The following SYT12 variants were observed in gnomAD, a reference collection of about 807,000 sequenced individuals.
SYT12 encodes the protein synaptotagmin 12.
A neutral mutation model predicts 39.5 loss-of-function variants in SYT12; 27 were observed. The observed-to-expected ratio is 0.68, with a 90% CI of 0.50 to 0.94. The LOEUF is 0.94. Among genes scored for constraint, SYT12 ranks in the 40% least tolerant of loss-of-function variants. The pLI, the probability that SYT12 is intolerant of heterozygous loss-of-function variation, is 0.00. For synonymous variants in SYT12, 233 were observed against 239.7 expected (o/e 0.97, Z 0.26); for missense variants, 536 against 572.6 (o/e 0.94, Z 0.65).
intron 6 of SYT12, among the ~76,000 whole-genome samples, chr11:67,045,446 A>G (rs1415951783): frequency 6.6e-6 from 1 of 152,136 alleles, no homozygotes; most frequent in Non-Finnish European, 1.5e-5. Context: ...CACTCGGGCC[A>G]TTTATAGAAG....
intron 2 of SYT12, chr11:67,031,850 G>A (rs1950272942): frequency 6.6e-6 from 1 of 152,160 alleles, no homozygotes; most frequent in African/African-American, 2.4e-5. Context: ...AGAGACCTTG[G>A]GCCTCTGGTC....
intron 7 of SYT12, among the ~76,000 whole-genome samples, chr11:67,046,625 G>A (rs1342860777): frequency 6.6e-6 from 1 of 152,202 alleles, no homozygotes; most frequent in Non-Finnish European, 1.5e-5. Flanking sequence ...AGCATCTCTG[G>A]CCCATCCTGG....
rs192461539 is a variant in SYT12, at chr11:67,036,700, C to T, written c.228+1862C>T. On this transcript the variant is annotated intron_variant, in intron 3 of 7. Transcript: ENST00000527043. ...CCCGTAATCCCAGCACTTTGGGAGG[C>T]CGAGGCGGGCAGATCTCTTGAGGTC... is the stretch of plus-strand genomic sequence containing the variant. Among the ~76,000 whole-genome samples, 22 of 152,280 alleles carry T rather than the reference C, an allele frequency of 1.4e-4. No homozygotes were observed. The East Asian group carries it at 2.7e-3, about 19-fold the overall frequency.
Position 67,039,980 on chromosome 11 carries a change from C to T in SYT12, c.398C>T (p.Ser133Leu), listed in dbSNP as rs751613037. Reference protein sequence around the residue: ...APYGTLRKSQSADSLNSISSV... With the variant: ...APYGTLRKSQLADSLNSISSV... ...TATGGGACCCTCCGGAAGTCCCAGT[C>T]GGCCGACTCCCTGAACTCCATCTCC... is the stretch of plus-strand genomic sequence containing the variant. Residue 133 changes from serine to leucine, a missense_variant, in exon 4 of 8, where the codon TCG (serine) becomes TTG (leucine). Transcript: ENST00000527043. 16 of 1,613,782 alleles carry T rather than the reference C, an allele frequency of 9.9e-6. 1 individual carries two copies. The Middle Eastern group carries it at 4.9e-4, about 50-fold the overall frequency.
At chr11:67,045,573 G>T in intron 6 of SYT12, 171 bp from the exon 7 acceptor site, 1 of 985,010 alleles carries the variant, frequency 1.0e-6, no homozygotes. Context: ...GTGAGCCTCA[G>T]TTTTCTCATC....
chr11:67,022,483 G>C (rs925435472), upstream of SYT12, among the ~76,000 whole-genome samples: 1 of 152,222 alleles, frequency 6.6e-6, no homozygotes, highest in Admixed American at 6.5e-5. Flanking sequence ...CGCGGGCAGG[G>C]AGGGACCTGT....
rs139491739 is a variant in SYT12 at position 67,032,100 on chromosome 11, C to T, written c.34+1922C>T. The T allele has an allele frequency of 8.0e-4, 122 of 152,404 alleles. 1 individual carries two copies. Among genetic ancestry groups the T allele is most frequent in the African/African-American group, 2.8e-3 (118 of 41,590 alleles). 9.4% of individuals were successfully genotyped at this position (152,404 alleles called of 1,614,324 possible). A position where few individuals can be genotyped will look rare whatever the true frequency, so the allele number is the denominator to read the frequency against. ...TCTGTTTTTCCCTGGTCTGCCCAGC[C>T]CGTGACTATGTGCTGCGTGACTTTT... On this transcript the variant is annotated intron_variant, in intron 2 of 7. Transcript: ENST00000527043.
Position 67,045,771 on chromosome 11 carries a change from A to G in SYT12, c.986A>G (p.Gln329Arg). Reference protein sequence around the residue: ...ADPFVKVYLLQDGRKMSKKKT... With the variant: ...ADPFVKVYLLRDGRKMSKKKT... ...CCCTTCGTCAAGGTGTACCTGCTGC[A>G]GGATGGGAGGAAGATGAGCAAAAAG... Residue 329 changes from glutamine (Q) to arginine (R), a missense_variant, in exon 7 of 8, where the codon CAG becomes CGG. By Grantham distance (43) the Gln-to-Arg change is conservative. Coordinates refer to ENST00000527043, the MANE Select transcript of SYT12 (RefSeq NM_177963.4). 6.2e-7 allele frequency: 1 copy of G among 1,613,966 alleles called. No homozygotes were observed. Among genetic ancestry groups the G allele is most frequent in the Non-Finnish European group, 8.5e-7 (1 of 1,179,966 alleles).
chr11:67,035,790 T>TTCCTTCCTTCCTTCC (rs1555066136), intron 3 of SYT12, among the ~76,000 whole-genome samples: 1 of 73,172 alleles, frequency 1.4e-5, no homozygotes, highest in African/African-American at 6.0e-5. Context: ...TTTTCTTTTC[T>TTCCTTCCTTCCTTCC]TTCCTTCCTT....
At chr11:67,011,190 C>T (rs1164867822) in intron 3 of SYT12, among the ~76,000 whole-genome samples, 1 of 152,144 alleles carries the variant, frequency 6.6e-6, no homozygotes, top group Non-Finnish European at 1.5e-5. Context: ...AGATCCCCAT[C>T]TCTAACAAAA....
intron 3 of SYT12, among the ~76,000 whole-genome samples, chr11:67,017,335 A>G (rs1950066177): frequency 6.6e-6 from 1 of 151,754 alleles, no homozygotes; most frequent in South Asian, 2.1e-4. Context: ...CAGCCCGGGT[A>G]ACATAGGGAG....
intron 3 of SYT12, among the ~76,000 whole-genome samples, chr11:67,015,843 T>C (rs1950053960): frequency 6.6e-6 from 1 of 152,014 alleles, no homozygotes; most frequent in South Asian, 2.1e-4. Context: ...CCACAGCCTC[T>C]CCCTCCTCCC....
chr11:67,044,829 C>G (rs1950585209), intron 6 of SYT12, 116 bp downstream of exon 6: 1 of 1,471,302 alleles, frequency 6.8e-7, no homozygotes, highest in Admixed American at 2.0e-5. Context: ...TGCCAAGGTC[C>G]CCCTCAGCTT....
Position 67,034,628 on chromosome 11 carries a change from C to A in SYT12, c.35-17C>A. The A allele has an allele frequency of 6.4e-7, 1 of 1,572,922 alleles. No homozygotes were observed. The highest frequency in any genetic ancestry group is 8.6e-7 in the Non-Finnish European group (1 of 1,166,128). ...TCCACTAGGAAGCCCTAATGAGAGG[C>A]TGCCCTTGCCTTGCAGTCATCAAGA... On this transcript the variant is annotated splice_polypyrimidine_tract_variant and intron_variant, in intron 2 of 7. Transcript: ENST00000527043.
intron 5 of SYT12, among the ~76,000 whole-genome samples, 188 bp downstream of exon 5, chr11:67,044,041 G>A (rs1452070030): frequency 2.0e-5 from 3 of 152,102 alleles, no homozygotes; most frequent in African/African-American, 7.2e-5. Context: ...AAAACATCCC[G>A]ACCACTGTTT....
At chr11:67,042,169 T>G (rs1433775277) in intron 4 of SYT12, among the ~76,000 whole-genome samples, 1 of 152,146 alleles carries the variant, frequency 6.6e-6, no homozygotes, top group Non-Finnish European at 1.5e-5. Flanking sequence ...TTAAGTCAGT[T>G]TAGTACCCCA....
intron 2 of SYT12, chr11:67,010,809 G>A (rs2136192771): frequency 6.6e-6 from 1 of 152,136 alleles, no homozygotes; most frequent in South Asian, 2.1e-4. Flanking sequence ...ACCTTTTTTT[G>A]TCTTGACTCC....
intron 7 of SYT12, among the ~76,000 whole-genome samples, chr11:67,046,768 G>T (rs1428112768): frequency 6.6e-6 from 1 of 152,184 alleles, no homozygotes; most frequent in Non-Finnish European, 1.5e-5. Context: ...GGGGGAAGTG[G>T]AGGAGGAGAG....
chr11:67,042,225 G>A (rs910301393), intron 4 of SYT12, among the ~76,000 whole-genome samples: 6 of 152,182 alleles, frequency 3.9e-5, no homozygotes, highest in Non-Finnish European at 7.3e-5. Flanking sequence ...GGTTATTGAG[G>A]AAGAGATGGG....
Sources: gnomAD v4.1 joint callset for allele counts (sites outside exome capture counted in the v4.1 genomes callset) on GRCh38, gnomAD v4.1.1 for gene constraint, MANE v1.5 for transcripts, NCBI Gene and HGNC (gene_info 2026-07-23, HGNC 2026-07-21) for gene names.